Variants in CATSPERB observed in about 807,000 individuals in gnomAD.
CATSPERB encodes catsper channel auxiliary subunit beta.
CATSPERB carries 93 observed loss-of-function variants against 128.3 expected under a neutral mutation model. The ratio of observed to expected loss-of-function variants is 0.72; its 90% confidence interval spans 0.61 to 0.86. The LOEUF (loss-of-function observed/expected upper bound fraction) is 0.86. CATSPERB is among the 40% of genes least tolerant of loss of function. CATSPERB has a pLI of 0.00. For missense variants in CATSPERB, 1,153 were observed against 1,329.5 expected, an observed-to-expected ratio of 0.87 and a Z score of 2.06; for synonymous variants, 381 against 448.8, an observed-to-expected ratio of 0.85 and a Z score of 1.91.
intron 14 of CATSPERB, 94 bp from the exon 15 acceptor site, chr14:91,660,075 G>T: frequency 1.9e-6 from 2 of 1,028,546 alleles, no homozygotes; most frequent in South Asian, 1.7e-5. Flanking sequence ...CATGTGGCAT[G>T]ATCTTTTCCA....
At chr14:91,687,950 CAAA>C (rs11404420) in intron 10 of CATSPERB, among the ~76,000 whole-genome samples, 4 of 117,118 alleles carry the variant, frequency 3.4e-5, no homozygotes, top group African/African-American at 9.6e-5. Flanking sequence ...GAGAGTGTCT[CAAA>C]AAAAAAAAAA....
chr14:91,619,480 A>G (rs1894002580), intron 19 of CATSPERB, among the ~76,000 whole-genome samples: 1 of 152,000 alleles, frequency 6.6e-6, no homozygotes, highest in African/African-American at 2.4e-5. Flanking sequence ...AGATGTTCTC[A>G]ATTTTTTTCA....
intron 22 of CATSPERB, among the ~76,000 whole-genome samples, chr14:91,596,297 G>A (rs552782404): frequency 1.6e-4 from 25 of 152,018 alleles, no homozygotes; most frequent in Non-Finnish European, 2.2e-4. Context: ...TCCGCCTCCC[G>A]GGTTCACGCC....
chr14:91,728,250 G>T (rs897641720), intron 2 of CATSPERB, among the ~76,000 whole-genome samples: 6 of 152,070 alleles, frequency 3.9e-5, no homozygotes, highest in African/African-American at 1.4e-4. Flanking sequence ...GAGTAGCTGG[G>T]ACTGCAGGTG....
chr14:91,594,612 CCA>C (rs1374892535), intron 22 of CATSPERB, among the ~76,000 whole-genome samples: 1 of 151,978 alleles, frequency 6.6e-6, no homozygotes, highest in Non-Finnish European at 1.5e-5. Context: ...TGTAAATTGC[CCA>C]GTCTTGGGTA....
intron 22 of CATSPERB, among the ~76,000 whole-genome samples, chr14:91,600,899 C>CT (rs1321736292): frequency 6.6e-6 from 1 of 152,206 alleles, no homozygotes; most frequent in African/African-American, 2.4e-5. Flanking sequence ...AAAGAAATAA[C>CT]TTTTACCTTC....
rs2139854773 is a variant in CATSPERB, at chr14:91,704,655, T to C, written c.513A>G (p.Glu171=). The C allele has an allele frequency of 6.2e-7, 1 of 1,613,940 alleles. No individual in the cohort carries two copies. Among genetic ancestry groups the C allele is most frequent in the Non-Finnish European group, 8.5e-7 (1 of 1,179,874 alleles). Residue 171 remains glutamate, a synonymous_variant, in exon 7 of 27, where the codon GAA becomes GAG. Coordinates refer to ENST00000256343, the MANE Select transcript of CATSPERB (RefSeq NM_024764.4). ...WTPGDVIPES[E]ISKLYPHVVD... ...CCACATGTGGATATAATTTACTGAT[T>C]TCACTTTCTGGAATCACATCCCCAG...
chr14:91,608,420 C>A lies in CATSPERB; in HGVS notation c.2599-16G>T. ...TGTAGTTTATCTGCAAGTGATTAAA[C>A]AAAGAAAATGTACAATTCATTATTA... On this transcript the variant is annotated splice_polypyrimidine_tract_variant and intron_variant, in intron 21 of 26. Coordinates refer to ENST00000256343, the MANE Select transcript of CATSPERB (RefSeq NM_024764.4). 1 of 1,325,824 alleles carries A rather than the reference C, an allele frequency of 7.5e-7. No homozygotes were observed. Among genetic ancestry groups the A allele is most frequent in the Non-Finnish European group, 1.1e-6 (1 of 922,732 alleles). 82.1% of individuals were successfully genotyped at this position (1,325,824 alleles called of 1,614,324 possible). A position where few individuals can be genotyped will look rare whatever the true frequency, so the allele number is the denominator to read the frequency against.
chr14:91,624,665 T>C (rs1284300385), intron 18 of CATSPERB, among the ~76,000 whole-genome samples, 155 bp downstream of exon 18: 1 of 152,018 alleles, frequency 6.6e-6, no homozygotes, highest in African/African-American at 2.4e-5. Context: ...ACAAAAAACT[T>C]TCAGGAACCC....
intron 17 of CATSPERB, among the ~76,000 whole-genome samples, chr14:91,631,158 AT>A (rs1894269299): frequency 6.6e-6 from 1 of 152,184 alleles, no homozygotes; most frequent in South Asian, 2.1e-4. Context: ...GTATCTGTTT[AT>A]TAGAATGTCA....
intron 22 of CATSPERB, among the ~76,000 whole-genome samples, chr14:91,607,097 G>C (rs1288973090): frequency 5.9e-5 from 5 of 84,130 alleles, no homozygotes; most frequent in African/African-American, 8.5e-5. Flanking sequence ...GGGGGGGGGG[G>C]GCGGTGAATG....
chr14:91,684,605 C>CTTTTTT (rs1160778932), intron 10 of CATSPERB, among the ~76,000 whole-genome samples: 1 of 112,342 alleles, frequency 8.9e-6, no homozygotes. Context: ...GGAGACACTT[C>CTTTTTT]TTTTTTTTTT....
chr14:91,708,336 C>A, intron 5 of CATSPERB, 100 bp from the exon 6 acceptor site: 2 of 693,832 alleles, frequency 2.9e-6, no homozygotes, highest in East Asian at 5.6e-5. Flanking sequence ...ATAGCCTTTC[C>A]TTTTCCAACC....
At chr14:91,731,190 C>T (rs565374965) in intron 1 of CATSPERB, among the ~76,000 whole-genome samples, 15 of 152,292 alleles carry the variant, frequency 9.8e-5, no homozygotes, top group African/African-American at 2.4e-4. Context: ...GTATGAAGCA[C>T]GTGGTGGAAA....
intron 26 of CATSPERB, among the ~76,000 whole-genome samples, chr14:91,582,358 A>C (rs1893220143): frequency 6.6e-6 from 1 of 152,168 alleles, no homozygotes; most frequent in South Asian, 2.1e-4. Context: ...TCTTCTAAAT[A>C]ACCTTATATT....
intron 26 of CATSPERB, among the ~76,000 whole-genome samples, chr14:91,586,381 C>T (rs1464535329): frequency 6.6e-6 from 1 of 152,132 alleles, no homozygotes; most frequent in African/African-American, 2.4e-5. Flanking sequence ...CAAGGATTTT[C>T]CTTCACACTC....
At chr14:91,706,676 A>G (rs1393949177) in intron 6 of CATSPERB, among the ~76,000 whole-genome samples, 1 of 152,172 alleles carries the variant, frequency 6.6e-6, no homozygotes. Context: ...GTGAATAAAG[A>G]TTTCTAACTC....
intron 20 of CATSPERB, among the ~76,000 whole-genome samples, chr14:91,615,687 A>G (rs1005993156): frequency 7.9e-5 from 12 of 152,122 alleles, no homozygotes; most frequent in African/African-American, 2.7e-4. Flanking sequence ...ATATTTCTTT[A>G]TCCATTCATC....
At chr14:91,602,977 T>G (rs1376287704) in intron 22 of CATSPERB, among the ~76,000 whole-genome samples, 1 of 152,158 alleles carries the variant, frequency 6.6e-6, no homozygotes, top group African/African-American at 2.4e-5. Context: ...CATCATCACC[T>G]CTCTTTTCCA....
Sources: gnomAD v4.1 joint callset for allele counts (sites outside exome capture counted in the v4.1 genomes callset) on GRCh38, gnomAD v4.1.1 for gene constraint, MANE v1.5 for transcripts, NCBI Gene and HGNC (gene_info 2026-07-23, HGNC 2026-07-21) for gene names.